CHST6: variants seen among roughly 807,000 people sequenced by gnomAD.
The protein encoded by CHST6 is carbohydrate sulfotransferase 6, also known as N-acetylglucosamine 6-O-sulfotransferase 5.
For synonymous variants in CHST6, 309 were observed against 276.4 expected, an observed-to-expected ratio of 1.12 and a Z score of -1.17; for missense variants, 698 against 586.2, an observed-to-expected ratio of 1.19 and a Z score of -1.97.
intron 1 of CHST6, among the ~76,000 whole-genome samples, 159 bp from the exon 2 acceptor site, chr16:75,482,050 A>C (rs1423233435): frequency 6.6e-6 from 1 of 152,184 alleles, no homozygotes; most frequent in Non-Finnish European, 1.5e-5. Context: ...ACCTATGAAG[A>C]GGGGGCCTGG....
At chr16:75,486,279 C>T (rs149878552) in intron 1 of CHST6, among the ~76,000 whole-genome samples, 138 of 152,382 alleles carry the variant, frequency 9.1e-4, no homozygotes, top group Non-Finnish European at 1.7e-3. Context: ...CAAGCGAACA[C>T]CTGTTCTCCG....
chr16:75,493,909 A>G (rs372949813), intron 1 of CHST6, among the ~76,000 whole-genome samples: 1 of 152,124 alleles, frequency 6.6e-6, no homozygotes, highest in Non-Finnish European at 1.5e-5. Context: ...AAGTACCGCA[A>G]TCTCAGCTCA....
chr16:75,478,361 C>T lies in CHST6; in HGVS notation c.*280G>A. 4.0e-6 allele frequency: 2 copies of T among 500,450 alleles called. No individual in the cohort carries two copies. Among genetic ancestry groups the T allele is most frequent in the South Asian group, 4.2e-5 (2 of 47,710 alleles). The allele number at this position is 500,450 out of a possible 1,614,324, so 31.0% of individuals were successfully genotyped here. A position where few individuals can be genotyped will look rare whatever the true frequency, so the allele number is the denominator to read the frequency against. On this transcript the variant is annotated 3_prime_UTR_variant, in exon 3 of 3. Coordinates refer to ENST00000332272, the MANE Select transcript of CHST6 (RefSeq NM_021615.5). ...GGGGAAGAAAGCCCTTGAGTAGGAGCCAAGTCATCTGAACGCACACCCTGT... is the reference window on the plus strand; with the variant it reads ...GGGGAAGAAAGCCCTTGAGTAGGAGTCAAGTCATCTGAACGCACACCCTGT...
chr16:75,485,359 G>C (rs1266991557), intron 1 of CHST6, among the ~76,000 whole-genome samples: 1 of 152,210 alleles, frequency 6.6e-6, no homozygotes, highest in Non-Finnish European at 1.5e-5. Context: ...CTAGCACTTT[G>C]GGAGGCCAAG....
At chr16:75,492,162 C>A (rs557568537) in intron 1 of CHST6, among the ~76,000 whole-genome samples, 1 of 152,396 alleles carries the variant, frequency 6.6e-6, no homozygotes, top group South Asian at 2.1e-4. Flanking sequence ...CCTCAAGCCT[C>A]CCTGGCTCAG....
chr16:75,489,878 C>T (rs1339397770), intron 1 of CHST6, among the ~76,000 whole-genome samples: 1 of 151,860 alleles, frequency 6.6e-6, no homozygotes, highest in Admixed American at 6.6e-5. Context: ...AGAAGATACA[C>T]AAATGGAAAG....
rs1258763385 is a variant in CHST6 at position 75,495,010 on chromosome 16, A to G, written c.-162T>C. 1 of 152,394 alleles carries G rather than the reference A, an allele frequency of 6.6e-6. No individual in the cohort carries two copies. The highest frequency in any genetic ancestry group is 1.5e-5 in the Non-Finnish European group (1 of 68,186). 9.4% of individuals were successfully genotyped at this position (152,394 alleles called of 1,614,324 possible). On this transcript the variant is annotated 5_prime_UTR_variant, in exon 1 of 3. Transcript: ENST00000332272. ...GACGCCTCTCTCCCTGGACTCAGCA[A>G]AGGCTCCCAAACGTCGTCTCTTCCA... is the stretch of plus-strand genomic sequence containing the variant.
chr16:75,490,326 A>G (rs1357350736), intron 1 of CHST6, among the ~76,000 whole-genome samples: 1 of 152,072 alleles, frequency 6.6e-6, no homozygotes, highest in Admixed American at 6.6e-5. Context: ...TAAGAATACA[A>G]AATTAGCCAG....
chr16:75,478,533 C>G lies in CHST6; in HGVS notation c.*108G>C. The G allele has an allele frequency of 8.7e-7, 1 of 1,147,460 alleles. No individual in the cohort carries two copies. Among genetic ancestry groups the G allele is most frequent in the Non-Finnish European group, 1.3e-6 (1 of 763,690 alleles). 71.1% of individuals were successfully genotyped at this position (1,147,460 alleles called of 1,614,324 possible). A position where few individuals can be genotyped will look rare whatever the true frequency, so the allele number is the denominator to read the frequency against. On this transcript the variant is annotated 3_prime_UTR_variant, in exon 3 of 3. Coordinates refer to ENST00000332272, the MANE Select transcript of CHST6 (RefSeq NM_021615.5). ...ACTTGGGGAGGGGGAGGGGTCGTACCACAAACTCCTTGGTCAATATAGGGA... is the reference window on the plus strand; with the variant it reads ...ACTTGGGGAGGGGGAGGGGTCGTACGACAAACTCCTTGGTCAATATAGGGA...
intron 2 of CHST6, among the ~76,000 whole-genome samples, chr16:75,480,938 AAAAAAAAAG>A (rs1164202386): frequency 5.8e-5 from 7 of 121,588 alleles, no homozygotes; most frequent in Admixed American, 2.0e-4. Flanking sequence ...AAAAAAAAAA[AAAAAAAAAG>A]AAAAGAAAAG....
rs1043679770 is a variant in CHST6 at position 75,472,075 on chromosome 16, C to T, written c.*6566G>A. 1 of 152,198 alleles carries T rather than the reference C, an allele frequency of 6.6e-6. No homozygotes were observed. Among genetic ancestry groups the T allele is most frequent in the Non-Finnish European group, 1.5e-5 (1 of 68,048 alleles). 9.4% of individuals were successfully genotyped at this position (152,198 alleles called of 1,614,324 possible). A position where few individuals can be genotyped will look rare whatever the true frequency, so the allele number is the denominator to read the frequency against. On this transcript the variant is annotated 3_prime_UTR_variant, in exon 3 of 3. Coordinates refer to ENST00000332272, the MANE Select transcript of CHST6 (RefSeq NM_021615.5). ...GCAAGCGTGAAGACCATTTTTATCA[C>T]TGTAGCAGGACAAAGTCGTTTCAAC...
rs1353223825 is a variant in CHST6, at chr16:75,474,770, C to G, written c.*3871G>C. ...ACTCCTTCATTTAAAAGGCACCACTCTCAGGATAACCAACTCACTCCTGAA... is the reference window on the plus strand; with the variant it reads ...ACTCCTTCATTTAAAAGGCACCACTGTCAGGATAACCAACTCACTCCTGAA... On this transcript the variant is annotated 3_prime_UTR_variant, in exon 3 of 3. Coordinates refer to ENST00000332272, the MANE Select transcript of CHST6 (RefSeq NM_021615.5). 1 of 398,122 alleles carries G rather than the reference C, an allele frequency of 2.5e-6. No individual in the cohort carries two copies. Among genetic ancestry groups the G allele is most frequent in the African/African-American group, 2.1e-5 (1 of 48,564 alleles). 24.7% of individuals were successfully genotyped at this position (398,122 alleles called of 1,614,324 possible). A position where few individuals can be genotyped will look rare whatever the true frequency, so the allele number is the denominator to read the frequency against.
intron 2 of CHST6, among the ~76,000 whole-genome samples, chr16:75,481,078 T>C (rs1043695047): frequency 6.7e-6 from 1 of 150,350 alleles, no homozygotes; most frequent in Non-Finnish European, 1.5e-5. Flanking sequence ...GGGCAACATA[T>C]GGATAGCCTG....
intron 1 of CHST6, among the ~76,000 whole-genome samples, chr16:75,489,189 A>G (rs1172134080): frequency 6.6e-6 from 1 of 151,902 alleles, no homozygotes; most frequent in African/African-American, 2.4e-5. Flanking sequence ...ACCTGAGGTC[A>G]GGAGTTCAAG....
At position 75,474,629 on chromosome 16, in the gene CHST6, A is replaced by T. The variant is rs951321003; in HGVS notation, c.*4012T>A. On this transcript the variant is annotated 3_prime_UTR_variant, in exon 3 of 3. Coordinates refer to ENST00000332272, the MANE Select transcript of CHST6 (RefSeq NM_021615.5). ...TTGGCTTACAGTTCTGGAGGCTGGG[A>T]AGCCCAAGATCAAGGAGCCAGCATC... 16 of 398,904 alleles carry T rather than the reference A, an allele frequency of 4.0e-5. No homozygotes were observed. The highest frequency in any genetic ancestry group is 7.1e-5 in the Non-Finnish European group (16 of 226,428). 24.7% of individuals were successfully genotyped at this position (398,904 alleles called of 1,614,324 possible).
In CHST6 at chr16:75,474,694, GCAT is replaced by G; in HGVS notation, c.*3944_*3946del. On this transcript the variant is annotated 3_prime_UTR_variant, in exon 3 of 3. Transcript: ENST00000332272. ...TTGCTGTGTCCTAGCATGATGGAAGGCATCATATGGCAGAAGGGCAAAGTGAGG... is the reference window on the plus strand; with the variant it reads ...TTGCTGTGTCCTAGCATGATGGAAGGCATATGGCAGAAGGGCAAAGTGAGG... 2.5e-6 allele frequency: 1 copy of G among 398,614 alleles called. No homozygotes were observed. Among genetic ancestry groups the G allele is most frequent in the Non-Finnish European group, 4.4e-6 (1 of 226,072 alleles). 24.7% of individuals were successfully genotyped at this position (398,614 alleles called of 1,614,324 possible). A position where few individuals can be genotyped will look rare whatever the true frequency, so the allele number is the denominator to read the frequency against.
At chr16:75,479,958 A>G in intron 2 of CHST6, 114 bp from the exon 3 acceptor site, 2 of 866,164 alleles carry the variant, frequency 2.3e-6, no homozygotes, top group Non-Finnish European at 3.5e-6. Context: ...CATCCCATGA[A>G]CATGATGGTC....
At position 75,479,428 on chromosome 16, in the gene CHST6, G is replaced by T. The variant is rs1420975530; in HGVS notation, c.401C>A (p.Ala134Asp). The T allele has an allele frequency of 1.2e-6, 2 of 1,612,816 alleles. No homozygotes were observed. The highest frequency in any genetic ancestry group is 4.5e-5 in the East Asian group (2 of 44,878). Residue 134 changes from alanine (A) to aspartate (D), a missense_variant, in exon 3 of 3, where the codon GCC becomes GAC. Physicochemically the swap from Ala to Asp is moderately radical, Grantham distance 126 (BLOSUM62 -2). Transcript: ENST00000332272. ...AVSRALCSPP[A>D]CSAFPRGAIS... The stretch of plus-strand genomic sequence containing the variant: ...GGCGCCTCGGGGAAAGGCACTGCAG[G>T]CGGGTGGCGAGCACAGTGCACGGCT...
At position 75,478,837 on chromosome 16, in the gene CHST6, T is replaced by C. The variant is rs1167212380; in HGVS notation, c.992A>G (p.Gln331Arg). 3.1e-6 allele frequency: 5 copies of C among 1,613,338 alleles called. No homozygotes were observed. In the Admixed American group the frequency reaches 5.0e-5, roughly 16 times the overall value. Residue 331 changes from glutamine (Q) to arginine (R), a missense_variant, in exon 3 of 3, where the codon CAG becomes CGG. Transcript: ENST00000332272. ...AAAGGGCAGCGCATGGCGCCAGGCCTGGGAGACGTTGAGCGCATTCCTGGA... is the reference window on the plus strand; with the variant it reads ...AAAGGGCAGCGCATGGCGCCAGGCCCGGGAGACGTTGAGCGCATTCCTGGA... ...TSSRNALNVS[Q>R]AWRHALPFAK...
Sources: allele counts gnomAD v4.1 joint callset (sites outside exome capture counted in the v4.1 genomes callset), GRCh38; gene constraint gnomAD v4.1.1; transcripts MANE v1.5; gene names NCBI Gene and HGNC (gene_info 2026-07-23, HGNC 2026-07-21).